The following CHN1 variants were observed in gnomAD, a reference collection of about 807,000 sequenced individuals.
CHN1 encodes the protein chimerin 1.
CHN1 carries 37 observed loss-of-function variants against 59.5 expected under a neutral mutation model. The observed-to-expected ratio is 0.62, with a 90% CI of 0.48 to 0.82. The LOEUF (loss-of-function observed/expected upper bound fraction) is 0.82. Among genes scored for constraint, CHN1 ranks in the 40% least tolerant of loss-of-function variants. The pLI is 0.00. For missense variants in CHN1, 469 were observed against 571.0 expected (o/e 0.82, Z 1.82); for synonymous variants, 206 against 200.4 (o/e 1.03, Z -0.24).
At chr2:174,829,880 T>C (rs1295752593) in intron 7 of CHN1, among the ~76,000 whole-genome samples, 1 of 152,170 alleles carries the variant, frequency 6.6e-6, no homozygotes, top group Non-Finnish European at 1.5e-5. Flanking sequence ...TCCCTCATTT[T>C]TATGTTTAGG....
intron 3 of CHN1, among the ~76,000 whole-genome samples, chr2:174,940,023 T>G (rs1035233797): frequency 6.6e-6 from 1 of 152,058 alleles, no homozygotes; most frequent in African/African-American, 2.4e-5. Flanking sequence ...TTACTTTTAT[T>G]TTATTTTATT....
intron 1 of CHN1, among the ~76,000 whole-genome samples, chr2:174,995,325 T>A (rs1266994294): frequency 6.6e-6 from 1 of 152,134 alleles, no homozygotes; most frequent in African/African-American, 2.4e-5. Flanking sequence ...ATTCACAAGT[T>A]TTTAAGTTGC....
chr2:174,975,917 C>T (rs917194337), intron 1 of CHN1, among the ~76,000 whole-genome samples: 1 of 151,202 alleles, frequency 6.6e-6, no homozygotes, highest in African/African-American at 2.4e-5. Context: ...GTCAAGAGAT[C>T]GAGATCATCC....
chr2:174,898,894 A>T (rs1405931068), intron 5 of CHN1, among the ~76,000 whole-genome samples: 1 of 152,194 alleles, frequency 6.6e-6, no homozygotes, highest in Non-Finnish European at 1.5e-5. Context: ...CCGATTACCT[A>T]GTATTGCCAC....
chr2:174,814,413 C>T (rs1685173870), intron 8 of CHN1, among the ~76,000 whole-genome samples: 2 of 152,208 alleles, frequency 1.3e-5, no homozygotes, highest in South Asian at 4.1e-4. Context: ...AGATCTGACT[C>T]AATCATAAGG....
intron 5 of CHN1, among the ~76,000 whole-genome samples, chr2:174,886,480 T>G (rs951841662): frequency 1.3e-5 from 2 of 152,242 alleles, no homozygotes; most frequent in Non-Finnish European, 2.9e-5. Flanking sequence ...AACTGTGTTC[T>G]CCTTCCAATT....
In CHN1 at chr2:174,952,181, G is replaced by T; in HGVS notation, c.41C>A (p.Pro14His). The T allele has an allele frequency of 6.9e-7, 1 of 1,459,628 alleles. No individual in the cohort carries two copies. The highest frequency in any genetic ancestry group is 1.5e-5 in the South Asian group (1 of 66,458). 90.4% of individuals were successfully genotyped at this position (1,459,628 alleles called of 1,614,324 possible). ...TLFDTDEYRP[P>H]VWKSYLYQLQ... Reference sequence around the variant, plus strand: ...AGACTTACAGTAAGATTTCCAAACAGGAGGTCTATATTCATCTGTATCTGA... The same window carrying T: ...AGACTTACAGTAAGATTTCCAAACATGAGGTCTATATTCATCTGTATCTGA... The change falls in exon 2 of 13, where the codon CCT becomes CAT. Residue 14 changes from proline (P) to histidine (H), a missense_variant. By Grantham distance (77) the Pro-to-His change is moderately conservative. This residue lies in a region of CHN1 where 152 missense variants were observed against 166.1 expected (regional missense o/e 0.92). Coordinates refer to ENST00000409900, the MANE Select transcript of CHN1 (RefSeq NM_001822.7).
At chr2:174,886,855 G>A (rs1357064016) in intron 5 of CHN1, among the ~76,000 whole-genome samples, 1 of 152,156 alleles carries the variant, frequency 6.6e-6, no homozygotes, top group Non-Finnish European at 1.5e-5. Context: ...GTTTATTAAT[G>A]TATAATTTAC....
At chr2:174,851,885 A>G (rs747615092) in intron 6 of CHN1, among the ~76,000 whole-genome samples, 1 of 152,234 alleles carries the variant, frequency 6.6e-6, no homozygotes, top group Non-Finnish European at 1.5e-5. Flanking sequence ...ACCAGAACTG[A>G]TAAATGATTT....
chr2:174,817,529 T>C (rs1188812561), intron 8 of CHN1, among the ~76,000 whole-genome samples: 1 of 151,320 alleles, frequency 6.6e-6, no homozygotes, highest in Non-Finnish European at 1.5e-5. Context: ...AATGGCGCAA[T>C]CTTGGCTCAC....
Position 174,900,665 on chromosome 2 carries a change from C to T in CHN1, c.260+14393G>A, listed in dbSNP as rs542736327. On this transcript the variant is annotated intron_variant, in intron 5 of 12. Transcript: ENST00000409900. ...TACTAAAAATACAAAATTAGCCGGG[C>T]GTGGTGACAGGTGCCTGTATGCCCA... 2.7e-3 allele frequency among the ~76,000 whole-genome samples: 406 copies of T among 151,952 alleles called. 2 individuals carry two copies. The highest frequency in any genetic ancestry group is 6.8e-3 in the Middle Eastern group (2 of 294).
chr2:174,963,928 C>G (rs1049067560), intron 1 of CHN1, among the ~76,000 whole-genome samples: 1 of 152,162 alleles, frequency 6.6e-6, no homozygotes, highest in African/African-American at 2.4e-5. Flanking sequence ...GTGAGACATT[C>G]TCCTCGAGAC....
At chr2:174,888,937 T>C in intron 5 of CHN1, among the ~76,000 whole-genome samples, 1 of 151,008 alleles carries the variant, frequency 6.6e-6, no homozygotes, top group East Asian at 1.9e-4. Context: ...CCACAAAAGG[T>C]GGGAGGGAGA....
intron 7 of CHN1, chr2:174,846,293 T>G: frequency 6.5e-7 from 1 of 1,537,086 alleles, no homozygotes; most frequent in Non-Finnish European, 8.8e-7. Flanking sequence ...ACACAATAAT[T>G]AAAAACTACA....
At chr2:174,890,022 TATAAG>T (rs1262341974) in intron 5 of CHN1, among the ~76,000 whole-genome samples, 1 of 151,876 alleles carries the variant, frequency 6.6e-6, no homozygotes, top group Non-Finnish European at 1.5e-5. Flanking sequence ...AGACAATAGC[TATAAG>T]ATAAGCAAAA....
chr2:174,801,726 G>A lies in CHN1; in HGVS notation c.1189C>T (p.Leu397Phe). ...GCTTGCCTCTTTAGATGTGCCATGA[G>A]GTACCGGAGGGTTTCGCAGTGAGCA... is the stretch of plus-strand genomic sequence containing the variant. Reference protein sequence around the residue: ...PPAHCETLRYLMAHLKRVTLH... With the variant: ...PPAHCETLRYFMAHLKRVTLH... Residue 397 changes from leucine (L) to phenylalanine (F), a missense_variant, in exon 12 of 13, where the codon CTC becomes TTC. Physicochemically the swap from Leu to Phe is conservative, Grantham distance 22. Transcript: ENST00000409900. 3 of 1,613,158 alleles carry A rather than the reference G, an allele frequency of 1.9e-6. No homozygotes were observed. Among genetic ancestry groups the A allele is most frequent in the Non-Finnish European group, 2.5e-6 (3 of 1,179,288 alleles).
At chr2:174,988,187 T>C (rs1383563752) in intron 1 of CHN1, among the ~76,000 whole-genome samples, 1 of 151,602 alleles carries the variant, frequency 6.6e-6, no homozygotes, top group African/African-American at 2.4e-5. Flanking sequence ...TGAAACCCCG[T>C]CTCTACTAAA....
At chr2:174,825,874 C>A (rs1237111535) in intron 7 of CHN1, among the ~76,000 whole-genome samples, 1 of 152,124 alleles carries the variant, frequency 6.6e-6, no homozygotes. Context: ...TTTAGAAAAA[C>A]CATGCCAATT....
intron 3 of CHN1, among the ~76,000 whole-genome samples, chr2:174,919,399 T>A (rs1688939339): frequency 6.9e-6 from 1 of 144,054 alleles, no homozygotes; most frequent in African/African-American, 2.7e-5. Flanking sequence ...GAGTCCTGAA[T>A]GACAAGATGC....
Sources: gnomAD v4.1 joint callset for allele counts (sites outside exome capture counted in the v4.1 genomes callset) on GRCh38, gnomAD v4.1.1 for gene constraint, gnomAD v4.1.1 regional missense constraint, MANE v1.5 for transcripts, NCBI Gene and HGNC (gene_info 2026-07-23, HGNC 2026-07-21) for gene names.